Variants in NAALADL2 observed in about 807,000 individuals in gnomAD.
The protein encoded by NAALADL2 is N-acetylated alpha-linked acidic dipeptidase like 2.
In NAALADL2, 76 loss-of-function variants were observed where a neutral mutation model predicts 87.2. The ratio of observed to expected loss-of-function variants is 0.87; its 90% CI spans 0.72 to 1.05. The LOEUF (loss-of-function observed/expected upper bound fraction) is 1.05. NAALADL2 is among the 50% of genes least tolerant of loss of function. NAALADL2 has a pLI of 0.00. For missense variants in NAALADL2, 1,089 were observed against 945.8 expected (o/e 1.15, Z -1.99); for synonymous variants, 354 against 331.0 (o/e 1.07, Z -0.75).
At chr3:175,174,455 G>A (rs533391242) in intron 2 of NAALADL2, among the ~76,000 whole-genome samples, 11 of 151,822 alleles carry the variant, frequency 7.2e-5, no homozygotes, top group Admixed American at 3.3e-4. Flanking sequence ...ATCTATTTGC[G>A]TCTTTCATAT....
At chr3:174,696,135 A>G (rs1272988509) in intron 2 of NAALADL2, among the ~76,000 whole-genome samples, 3 of 152,044 alleles carry the variant, frequency 2.0e-5, no homozygotes, top group Admixed American at 1.3e-4. Context: ...CTAATTCTGG[A>G]TAGTGAGGTG....
intron 2 of NAALADL2, among the ~76,000 whole-genome samples, chr3:174,589,164 G>C (rs1464186153): frequency 6.6e-6 from 1 of 152,192 alleles, no homozygotes; most frequent in Non-Finnish European, 1.5e-5. Flanking sequence ...TTGGGCGTGG[G>C]ACCCTCTGAG....
chr3:175,570,316 GT>G (rs1319621073), intron 9 of NAALADL2, among the ~76,000 whole-genome samples: 1 of 152,110 alleles, frequency 6.6e-6, no homozygotes, highest in Non-Finnish European at 1.5e-5. Flanking sequence ...TACTCAGCCT[GT>G]CAATTCAATG....
At chr3:174,962,224 T>A (rs760292405) in intron 1 of NAALADL2, among the ~76,000 whole-genome samples, 5 of 151,708 alleles carry the variant, frequency 3.3e-5, no homozygotes, top group African/African-American at 4.8e-5. Flanking sequence ...GCCAATAGGC[T>A]GACTGAAACA....
chr3:175,556,734 A>T (rs1715339871), intron 9 of NAALADL2, among the ~76,000 whole-genome samples: 1 of 152,262 alleles, frequency 6.6e-6, no homozygotes, highest in Non-Finnish European at 1.5e-5. Flanking sequence ...ACTATCTTAC[A>T]AACTTTTCTT....
chr3:175,559,053 T>C lies in NAALADL2; in HGVS notation c.1654-16988T>C, dbSNP rs111349550. 1.7e-3 allele frequency among the ~76,000 whole-genome samples: 265 copies of C among 152,220 alleles called. 2 individuals are homozygous for C. Among genetic ancestry groups the C allele is most frequent in the African/African-American group, 6.2e-3 (256 of 41,560 alleles). On this transcript the variant is annotated intron_variant, in intron 9 of 13. Transcript: ENST00000454872. ...TTAACAATATTGATTTTTTTCAATA[T>C]ATGAACATGGAATATCTTTTATTTT... is the stretch of plus-strand genomic sequence containing the variant.
intron 2 of NAALADL2, among the ~76,000 whole-genome samples, chr3:175,202,502 T>A (rs1020567586): frequency 2.0e-5 from 3 of 152,158 alleles, no homozygotes; most frequent in African/African-American, 4.8e-5. Context: ...CCAATAACTT[T>A]CCCACTGATC....
chr3:175,290,493 A>G (rs754387278), intron 4 of NAALADL2, among the ~76,000 whole-genome samples: 12 of 152,112 alleles, frequency 7.9e-5, no homozygotes, highest in Non-Finnish European at 1.6e-4. Flanking sequence ...GAGTTGGGGG[A>G]TGATGGAAAT....
At position 175,694,873 on chromosome 3, in the gene NAALADL2, C is replaced by T. The variant is rs140097452; in HGVS notation, c.1897-42433C>T. Among the ~76,000 whole-genome samples, 65 of 152,042 alleles carry T rather than the reference C, an allele frequency of 4.3e-4. No homozygotes were observed. In the East Asian group the frequency reaches 7.3e-3, roughly 17 times the overall value. ...AATTCAGGTAAATGAGTTATTTAAT[C>T]CAATGATAGACCTTTCCCAGCAGTG... On this transcript the variant is annotated intron_variant, in intron 11 of 13. Transcript: ENST00000454872.
At chr3:175,373,671 C>A (rs1560452928) in intron 5 of NAALADL2, among the ~76,000 whole-genome samples, 1 of 152,084 alleles carries the variant, frequency 6.6e-6, no homozygotes, top group Non-Finnish European at 1.5e-5. Flanking sequence ...TTTCTGTTAG[C>A]AAATATGCAG....
At chr3:175,478,817 T>G (rs544719570) in intron 9 of NAALADL2, among the ~76,000 whole-genome samples, 1 of 151,844 alleles carries the variant, frequency 6.6e-6, no homozygotes, top group Non-Finnish European at 1.5e-5. Context: ...ACAGTATCAT[T>G]AATGCAGTAC....
chr3:175,582,230 A>G (rs1454138630), intron 10 of NAALADL2, among the ~76,000 whole-genome samples: 3 of 152,060 alleles, frequency 2.0e-5, no homozygotes, highest in African/African-American at 7.2e-5. Context: ...AAAAAAAAAA[A>G]GAAGAATGGA....
At chr3:174,643,632 C>A (rs1237301149) in intron 2 of NAALADL2, among the ~76,000 whole-genome samples, 1 of 152,088 alleles carries the variant, frequency 6.6e-6, no homozygotes, top group African/African-American at 2.4e-5. Flanking sequence ...CCAGCCTGGG[C>A]AGTAGAGCTA....
At chr3:174,792,286 AGGAG>A (rs1216367230) in intron 3 of NAALADL2, among the ~76,000 whole-genome samples, 27 of 143,336 alleles carry the variant, frequency 1.9e-4, no homozygotes, top group African/African-American at 6.3e-4. Flanking sequence ...GAGGGAGGGA[AGGAG>A]GGAGGGAGGG....
intron 1 of NAALADL2, among the ~76,000 whole-genome samples, chr3:175,091,015 C>G (rs1197705159): frequency 6.6e-6 from 1 of 151,902 alleles, no homozygotes; most frequent in East Asian, 1.9e-4. Flanking sequence ...AGTCAGGAAA[C>G]AGAGTCTTCT....
chr3:174,608,671 A>G (rs1384252102), intron 2 of NAALADL2, among the ~76,000 whole-genome samples: 1 of 152,006 alleles, frequency 6.6e-6, no homozygotes, highest in Non-Finnish European at 1.5e-5. Context: ...GCAATAATCA[A>G]TAGCTTACTA....
chr3:174,726,430 T>C (rs180991428), intron 2 of NAALADL2, among the ~76,000 whole-genome samples: 16 of 152,286 alleles, frequency 1.1e-4, no homozygotes, highest in African/African-American at 3.6e-4. Flanking sequence ...TTCTGGTATT[T>C]TGCTCACCAT....
At chr3:175,032,362 T>G (rs1752896082) in intron 1 of NAALADL2, among the ~76,000 whole-genome samples, 1 of 152,086 alleles carries the variant, frequency 6.6e-6, no homozygotes, top group South Asian at 2.1e-4. Context: ...GTGATATCCA[T>G]GCGGTAAGCT....
chr3:174,592,367 A>C (rs546380700), intron 2 of NAALADL2, among the ~76,000 whole-genome samples: 1 of 152,280 alleles, frequency 6.6e-6, no homozygotes, highest in Admixed American at 6.5e-5. Flanking sequence ...TGCTGCACCC[A>C]TTAACTCATC....
Sources: allele counts gnomAD v4.1 joint callset (sites outside exome capture counted in the v4.1 genomes callset), GRCh38; gene constraint gnomAD v4.1.1; transcripts MANE v1.5; gene names NCBI Gene and HGNC (gene_info 2026-07-23, HGNC 2026-07-21).